The following PASD1 variants were observed in gnomAD, a reference collection of about 807,000 sequenced individuals.
The protein encoded by PASD1 is circadian clock protein PASD1.
Under a neutral mutation model 58.8 loss-of-function variants are expected in PASD1, and 13 were observed. That is an observed-to-expected ratio of 0.22 (90% CI 0.14 to 0.35). PASD1 has a LOEUF of 0.35. Ranked by LOEUF, PASD1 falls within the 10% of genes least tolerant of loss-of-function variation. PASD1 has a pLI of 1.00. For missense variants in PASD1, 734 were observed against 568.3 expected (o/e 1.29, Z -2.96); for synonymous variants, 236 against 216.7 (o/e 1.09, Z -0.78).
rs769067036 is a variant in PASD1, at chrX:151,643,024, G to C, written c.630-5591G>C. 5.4e-5 allele frequency among the ~76,000 whole-genome samples: 6 copies of C among 111,855 alleles called. No homozygotes were observed. The South Asian group carries it at 2.3e-3, about 43-fold the overall frequency. ...CTAAGCAGGTGTCTGAAGCCCTCAG[G>C]ACTCTGAAATCCTTCCTTCCAACGA... On this transcript the variant is annotated intron_variant, in intron 8 of 15. Transcript: ENST00000370357.
chrX:151,590,348 TATTTTAA>T (rs1318427028), intron 1 of PASD1, among the ~76,000 whole-genome samples: 1 of 111,666 alleles, frequency 9.0e-6, no homozygotes, highest in East Asian at 2.8e-4. Context: ...CTTTAGTCTT[TATTTTAA>T]ACTCTTTCCT....
chrX:151,566,196 C>G lies in PASD1; in HGVS notation c.-28+2357C>G, dbSNP rs557907774. 6.2e-5 allele frequency among the ~76,000 whole-genome samples: 7 copies of G among 112,201 alleles called. No individual in the cohort carries two copies. The South Asian group carries it at 2.2e-3, about 36-fold the overall frequency. On this transcript the variant is annotated intron_variant, in intron 1 of 15. Transcript: ENST00000370357. Reference sequence around the variant, plus strand: ...ATGCAGCTTTTAGGGAGTCCATAGGCTAGTGGAGCAGAGAAACGTGCAAAC... The same window carrying G: ...ATGCAGCTTTTAGGGAGTCCATAGGGTAGTGGAGCAGAGAAACGTGCAAAC...
At chrX:151,623,184 A>T in intron 7 of PASD1, 120 bp downstream of exon 7, 1 of 830,667 alleles carries the variant, frequency 1.2e-6, no homozygotes, top group Non-Finnish European at 1.6e-6. Context: ...GTGTGTGCAG[A>T]GGGTTGTGCT....
chrX:151,590,720 A>T, intron 1 of PASD1, among the ~76,000 whole-genome samples: 1 of 110,693 alleles, frequency 9.0e-6, no homozygotes, highest in Non-Finnish European at 1.9e-5. Context: ...AGCTGAGTCT[A>T]CAGGTGCGCG....
chrX:151,607,557 A>G (rs1180396493), intron 3 of PASD1, among the ~76,000 whole-genome samples: 12 of 111,977 alleles, frequency 1.1e-4, no homozygotes, highest in Non-Finnish European at 2.1e-4. Context: ...GCTTCACAAG[A>G]ACACACAGCG....
At chrX:151,653,927 T>TTTCTTTCTTTCC (rs2014202435) in intron 9 of PASD1, among the ~76,000 whole-genome samples, 1 of 77,160 alleles carries the variant, frequency 1.3e-5, no homozygotes, top group South Asian at 8.0e-4. Context: ...TCTTTCTTTC[T>TTTCTTTCTTTCC]TTCTTTCTTT....
At chrX:151,644,724 C>CTTT (rs150221546) in intron 8 of PASD1, among the ~76,000 whole-genome samples, 1 of 101,166 alleles carries the variant, frequency 9.9e-6, no homozygotes, top group Non-Finnish European at 2.0e-5. Flanking sequence ...CGTAATTTTT[C>CTTT]TTTTTTTTTT....
chrX:151,595,239 T>C (rs1275269995), intron 1 of PASD1, among the ~76,000 whole-genome samples: 1 of 111,784 alleles, frequency 8.9e-6, no homozygotes, highest in Non-Finnish European at 1.9e-5. Context: ...GGAATCTAGT[T>C]ACTTATATTT....
At chrX:151,569,329 A>G (rs1275108327) in intron 1 of PASD1, among the ~76,000 whole-genome samples, 1 of 112,007 alleles carries the variant, frequency 8.9e-6, no homozygotes, top group Non-Finnish European at 1.9e-5. Context: ...TCCGTCTCCC[A>G]TATCAGCCTC....
chrX:151,658,294 A>T (rs1348856769), intron 9 of PASD1, among the ~76,000 whole-genome samples: 1 of 112,219 alleles, frequency 8.9e-6, no homozygotes, highest in African/African-American at 3.2e-5. Flanking sequence ...TGCATTTTAA[A>T]CTGTTATCTT....
rs148812968 is a variant in PASD1 at position 151,671,040 on chromosome X, A to G, written c.1074A>G (p.Pro358=). ...DLGAAGASAQ[P]LQPSSPVAYD... is the part of the protein sequence containing the mutation. ...CCATAAGTAATTCCTCCCCACAGCC[A>G]TTACAGCCATCATCACCAGTTGCAT... Residue 358 remains proline (P), a splice_region_variant and synonymous_variant, in exon 12 of 16, where the codon CCA becomes CCG. Coordinates refer to ENST00000370357, the MANE Select transcript of PASD1 (RefSeq NM_173493.3). The G allele has an allele frequency of 4.4e-5, 53 of 1,208,307 alleles. No homozygotes were observed. The African/African-American group carries it at 8.0e-4, about 18-fold the overall frequency.
intron 14 of PASD1, chrX:151,673,645 T>A: frequency 2.7e-6 from 1 of 377,110 alleles, no homozygotes; most frequent in Admixed American, 4.5e-5. Context: ...GAAATGACTT[T>A]CCAAGGCCAC....
At chrX:151,667,232 GT>G (rs1239121293) in intron 11 of PASD1, among the ~76,000 whole-genome samples, 32 of 112,132 alleles carry the variant, frequency 2.9e-4, no homozygotes, top group African/African-American at 1.0e-3. Flanking sequence ...TGATGGGGTT[GT>G]TTGTTTCTTG....
chrX:151,619,911 T>A (rs2013683300), intron 4 of PASD1, among the ~76,000 whole-genome samples: 1 of 111,438 alleles, frequency 9.0e-6, no homozygotes, highest in Admixed American at 9.5e-5. Context: ...TGTTTCGAAT[T>A]TTGTGTTGTT....
chrX:151,674,026 T>C lies in PASD1; in HGVS notation c.2015T>C (p.Phe672Ser), dbSNP rs2014512202. The change falls in exon 15 of 16, where the codon TTT becomes TCT. Residue 672 changes from phenylalanine (F) to serine (S), a missense_variant. Physicochemically the swap from Phe to Ser is radical, Grantham distance 155. Coordinates refer to ENST00000370357, the MANE Select transcript of PASD1 (RefSeq NM_173493.3). ...EAISSSSIPQ[F>S]PITSDSTIST... ...ATTTCTTCTTCCAGCATTCCTCAGT[T>C]TCCCATAACTTCAGACTCAACCATA... The C allele has an allele frequency of 8.3e-7, 1 of 1,209,627 alleles. No homozygotes were observed. The highest frequency in any genetic ancestry group is 1.8e-5 in the South Asian group (1 of 56,727).
intron 8 of PASD1, among the ~76,000 whole-genome samples, chrX:151,645,956 G>A (rs1445137025): frequency 1.1e-5 from 1 of 90,802 alleles, no homozygotes; most frequent in Non-Finnish European, 2.4e-5. Flanking sequence ...TGTCATCTAG[G>A]CTGGAGTGCA....
intron 8 of PASD1, among the ~76,000 whole-genome samples, chrX:151,633,407 C>T (rs1247820927): frequency 1.8e-5 from 2 of 111,353 alleles, no homozygotes; most frequent in Admixed American, 9.5e-5. Flanking sequence ...GGGAAAGAAC[C>T]CTTGAGCCCA....
chrX:151,655,645 A>T (rs2014229885), intron 9 of PASD1, among the ~76,000 whole-genome samples: 1 of 112,297 alleles, frequency 8.9e-6, no homozygotes, highest in Non-Finnish European at 1.9e-5. Context: ...GGCTGCATAA[A>T]TGTCTTCTTT....
chrX:151,625,288 C>T, intron 7 of PASD1, among the ~76,000 whole-genome samples, 160 bp from the exon 8 acceptor site: 1 of 112,141 alleles, frequency 8.9e-6, no homozygotes, highest in Non-Finnish European at 1.9e-5. Flanking sequence ...TATCTCTAAT[C>T]CTCAGTTTTC....
Sources: allele counts gnomAD v4.1 joint callset (sites outside exome capture counted in the v4.1 genomes callset), GRCh38; gene constraint gnomAD v4.1.1; transcripts MANE v1.5; gene names NCBI Gene and HGNC (gene_info 2026-07-23, HGNC 2026-07-21).